Variants in RGPD4 observed in about 807,000 individuals in gnomAD.
RGPD4 encodes ranBP2-like and GRIP domain-containing protein 4.
A neutral mutation model predicts 141.1 loss-of-function variants in RGPD4; 84 were observed. The observed-to-expected ratio is 0.60, with a 90% confidence interval of 0.50 to 0.71. RGPD4 has a LOEUF of 0.71. Ranked by LOEUF, RGPD4 falls within the 30% of genes least tolerant of loss-of-function variation. RGPD4 has a pLI of 0.00. For missense variants in RGPD4, 918 were observed against 1,622.4 expected, an observed-to-expected ratio of 0.57 and a Z score of 7.46; for synonymous variants, 298 against 566.8, an observed-to-expected ratio of 0.53 and a Z score of 6.74.
At chr2:107,883,658 A>G (rs541615630) in intron 22 of RGPD4, among the ~76,000 whole-genome samples, 1 of 136,226 alleles carries the variant, frequency 7.3e-6, no homozygotes, top group African/African-American at 2.8e-5. Context: ...AAAAACTATG[A>G]TGTAGTTAGA....
At chr2:107,849,645 A>G (rs1470524611) in intron 7 of RGPD4, among the ~76,000 whole-genome samples, 1 of 79,650 alleles carries the variant, frequency 1.3e-5, no homozygotes, top group Non-Finnish European at 2.6e-5. Context: ...GCTGGGATTT[A>G]CAGGCGTGAG....
chr2:107,886,410 A>G (rs1179008739), intron 22 of RGPD4, among the ~76,000 whole-genome samples: 1 of 130,332 alleles, frequency 7.7e-6, no homozygotes, highest in African/African-American at 3.1e-5. Flanking sequence ...TTGCCTCACA[A>G]TAGACTTCTC....
At chr2:107,850,853 T>A (rs1682096457) in intron 7 of RGPD4, among the ~76,000 whole-genome samples, 1 of 14,488 alleles carries the variant, frequency 6.9e-5, no homozygotes, top group East Asian at 6.4e-4. Flanking sequence ...TTCACCGTGT[T>A]AGCCAGGATG....
chr2:107,845,501 C>T (rs1388122629), intron 6 of RGPD4, among the ~76,000 whole-genome samples: 3 of 147,056 alleles, frequency 2.0e-5, no homozygotes, highest in Non-Finnish European at 3.0e-5. Context: ...TGAGGGGTTA[C>T]TTGGGGGCCT....
chr2:107,883,636 AAAAC>A (rs1264479553), intron 22 of RGPD4, among the ~76,000 whole-genome samples: 1 of 57,352 alleles, frequency 1.7e-5, no homozygotes, highest in African/African-American at 1.1e-4. Flanking sequence ...AAAAAAAAAA[AAAAC>A]AAAAACAAAA....
Position 107,890,870 on chromosome 2 carries a change from T to C in RGPD4, c.*139T>C. ...TTCATGTGTATTACCATCATTCTTT[T>C]GTCAAAAAGTGTGTATATGTTTGCA... On this transcript the variant is annotated 3_prime_UTR_variant, in exon 23 of 23. Coordinates refer to ENST00000408999, the MANE Select transcript of RGPD4 (RefSeq NM_182588.3). The C allele has an allele frequency of 1.2e-6, 1 of 830,548 alleles. No individual in the cohort carries two copies. Among genetic ancestry groups the C allele is most frequent in the Non-Finnish European group, 1.9e-6 (1 of 521,326 alleles). 51.4% of individuals were successfully genotyped at this position (830,548 alleles called of 1,614,324 possible).
At chr2:107,881,005 G>A (rs1349971533) in intron 21 of RGPD4, among the ~76,000 whole-genome samples, 3 of 151,782 alleles carry the variant, frequency 2.0e-5, no homozygotes, top group Non-Finnish European at 2.9e-5. Context: ...CTGGTTAAGA[G>A]AAAAATTGAA....
chr2:107,847,824 C>CA (rs1263002672), intron 6 of RGPD4, among the ~76,000 whole-genome samples: 7,216 of 53,144 alleles, frequency 0.14, 743 homozygotes, highest in Admixed American at 0.2. Flanking sequence ...GACTCCGTCT[C>CA]AAAAAAAAAA....
Position 107,872,654 on chromosome 2 carries a change from T to C in RGPD4, c.4650T>C (p.Phe1550=). The change falls in exon 20 of 23, where the codon TTT becomes TTC. Residue 1550 remains phenylalanine (F), a synonymous_variant. Coordinates refer to ENST00000408999, the MANE Select transcript of RGPD4 (RefSeq NM_182588.3). ...VFGSESVKRI[F]SSEKSKPFAF... ...GTTCAGAGTCTGTTAAAAGAATTTT[T>C]AGTAGTGAAAAATCAAAACCATTTG... The C allele has an allele frequency of 6.2e-7, 1 of 1,610,320 alleles. No individual in the cohort carries two copies. The highest frequency in any genetic ancestry group is 8.5e-7 in the Non-Finnish European group (1 of 1,179,684).
chr2:107,829,581 G>A (rs1375513592), intron 1 of RGPD4, among the ~76,000 whole-genome samples: 2 of 149,852 alleles, frequency 1.3e-5, no homozygotes, highest in African/African-American at 5.1e-5. Flanking sequence ...CAGGCGTCAT[G>A]GCTCCCGACG....
intron 7 of RGPD4, among the ~76,000 whole-genome samples, chr2:107,849,083 T>A (rs916352950): frequency 7.7e-6 from 1 of 130,290 alleles, no homozygotes; most frequent in African/African-American, 3.1e-5. Flanking sequence ...TGAGACCAAG[T>A]CTCTCTCTGT....
intron 7 of RGPD4, among the ~76,000 whole-genome samples, chr2:107,853,742 C>CTTT (rs534131532): frequency 2.2e-5 from 1 of 46,174 alleles, no homozygotes. Context: ...TCTGTGTATG[C>CTTT]TTTTTTTTTT....
intron 6 of RGPD4, among the ~76,000 whole-genome samples, chr2:107,844,802 CCTTTCTTTCTTT>C (rs370881895): frequency 1.9e-5 from 1 of 53,844 alleles, no homozygotes; most frequent in Admixed American, 1.7e-4. Context: ...TATGTGGGTT[CCTTTCTTTCTTT>C]CTTTCTTTCT....
At chr2:107,890,658 G>C (rs886066030) in intron 22 of RGPD4, 63 bp from the exon 23 acceptor site, 45 of 1,372,746 alleles carry the variant, frequency 3.3e-5, no homozygotes, top group Admixed American at 4.8e-5. Flanking sequence ...CTAAAATATA[G>C]ATTTTACATT....
intron 21 of RGPD4, among the ~76,000 whole-genome samples, chr2:107,881,796 G>C (rs1396009045): frequency 6.6e-6 from 1 of 151,560 alleles, no homozygotes; most frequent in South Asian, 2.1e-4. Flanking sequence ...TCAAAGACTT[G>C]AACATGATAT....
intron 20 of RGPD4, among the ~76,000 whole-genome samples, chr2:107,877,793 G>A (rs950552179): frequency 4.0e-5 from 6 of 151,742 alleles, no homozygotes; most frequent in African/African-American, 1.5e-4. Context: ...GTAGTTAAAA[G>A]TTTGATGACT....
At chr2:107,881,825 C>A (rs1242671626) in intron 21 of RGPD4, among the ~76,000 whole-genome samples, 2 of 151,506 alleles carry the variant, frequency 1.3e-5, no homozygotes, top group African/African-American at 4.9e-5. Flanking sequence ...TTATATCATT[C>A]TTTGCCTCAT....
At chr2:107,884,197 G>A (rs187216792) in intron 22 of RGPD4, among the ~76,000 whole-genome samples, 1,794 of 152,020 alleles carry the variant, frequency 0.012, 26 homozygotes, top group African/African-American at 0.039. Flanking sequence ...TGCAACCTCC[G>A]CCTCCCGGAT....
rs1449520435 is a variant in RGPD4, at chr2:107,872,240, T to G, written c.4236T>G (p.Thr1412=). 6.2e-7 allele frequency: 1 copy of G among 1,611,470 alleles called. No homozygotes were observed. The highest frequency in any genetic ancestry group is 1.7e-5 in the Admixed American group (1 of 59,984). ...AACTTTGTGCCAATCACACAATAAC[T>G]CCAGACATGAGTTTGCAAAATATGA... ...VLKLCANHTI[T]PDMSLQNMKG... is the part of the protein sequence containing the mutation. Residue 1412 remains threonine (T), a synonymous_variant, in exon 20 of 23, where the codon ACT becomes ACG. Coordinates refer to ENST00000408999, the MANE Select transcript of RGPD4 (RefSeq NM_182588.3).
Sources: allele counts gnomAD v4.1 joint callset (sites outside exome capture counted in the v4.1 genomes callset), GRCh38; gene constraint gnomAD v4.1.1; transcripts MANE v1.5; gene names NCBI Gene and HGNC (gene_info 2026-07-23, HGNC 2026-07-21).